The following KCNQ5 variants were observed in gnomAD, a reference collection of about 807,000 sequenced individuals.
The protein encoded by KCNQ5 is potassium voltage-gated channel subfamily Q member 5.
KCNQ5 carries 30 observed loss-of-function variants against 98.2 expected under a neutral mutation model. The ratio of observed to expected loss-of-function variants is 0.31; its 90% CI spans 0.23 to 0.41. The LOEUF is 0.41. Among genes scored for constraint, KCNQ5 ranks in the 10% least tolerant of loss-of-function variants. The pLI, the probability that KCNQ5 is intolerant of heterozygous loss-of-function variation, is 1.00. For synonymous variants in KCNQ5, 458 were observed against 449.4 expected (o/e 1.02, Z -0.24); for missense variants, 835 against 1,182.5 (o/e 0.71, Z 4.31).
At chr6:72,707,544 G>A (rs1215709031) in intron 1 of KCNQ5, among the ~76,000 whole-genome samples, 1 of 152,112 alleles carries the variant, frequency 6.6e-6, no homozygotes, top group Non-Finnish European at 1.5e-5. Flanking sequence ...AAATTGCCTT[G>A]AGAAAAATTA....
intron 10 of KCNQ5, 152 bp downstream of exon 10, chr6:73,133,793 T>C: frequency 1.3e-6 from 1 of 798,478 alleles, no homozygotes; most frequent in South Asian, 1.6e-5. Context: ...AGTTTATTCA[T>C]TGCCTTGGGC....
chr6:73,155,845 C>T (rs1035556040), intron 10 of KCNQ5, among the ~76,000 whole-genome samples: 4 of 152,046 alleles, frequency 2.6e-5, no homozygotes. Context: ...AAAATAAAAA[C>T]TATTTGAAAG....
intron 1 of KCNQ5, among the ~76,000 whole-genome samples, chr6:72,912,966 T>A (rs1779998826): frequency 1.3e-5 from 2 of 152,242 alleles, no homozygotes; most frequent in Middle Eastern, 6.8e-3. Flanking sequence ...CTAGTCTTAA[T>A]ACTTGGGTTA....
At chr6:72,723,066 G>T (rs1447797369) in intron 1 of KCNQ5, among the ~76,000 whole-genome samples, 3 of 151,856 alleles carry the variant, frequency 2.0e-5, no homozygotes, top group African/African-American at 7.3e-5. Flanking sequence ...CCCAGGCTGA[G>T]CTCAAGCAAT....
At chr6:73,108,458 G>A (rs1775091944) in intron 6 of KCNQ5, among the ~76,000 whole-genome samples, 1 of 152,102 alleles carries the variant, frequency 6.6e-6, no homozygotes. Flanking sequence ...TAAAAATATT[G>A]GCCACTGTAA....
At chr6:73,156,941 G>A (rs1777383396) in intron 10 of KCNQ5, among the ~76,000 whole-genome samples, 2 of 152,140 alleles carry the variant, frequency 1.3e-5, no homozygotes, top group Non-Finnish European at 2.9e-5. Flanking sequence ...CTGTTGGGTG[G>A]AGGCAGGCGC....
At chr6:72,934,756 G>A (rs956797009) in intron 1 of KCNQ5, among the ~76,000 whole-genome samples, 3 of 152,128 alleles carry the variant, frequency 2.0e-5, no homozygotes, top group African/African-American at 7.2e-5. Context: ...GGCTCTCATA[G>A]CTCAGCTATG....
chr6:72,769,041 G>A (rs1772724788), intron 1 of KCNQ5, among the ~76,000 whole-genome samples: 1 of 152,008 alleles, frequency 6.6e-6, no homozygotes, highest in Admixed American at 6.6e-5. Flanking sequence ...CCCTAGCCCG[G>A]AAGTCCTCAA....
intron 1 of KCNQ5, among the ~76,000 whole-genome samples, chr6:72,928,130 C>G (rs554699497): frequency 1.3e-5 from 2 of 151,984 alleles, no homozygotes; most frequent in African/African-American, 2.4e-5. Flanking sequence ...AGAAGAAACC[C>G]GTGTTTTCAT....
chr6:72,671,882 T>A (rs1013389543), intron 1 of KCNQ5, among the ~76,000 whole-genome samples: 4 of 152,216 alleles, frequency 2.6e-5, no homozygotes, highest in Non-Finnish European at 5.9e-5. Flanking sequence ...AGTGGCACGA[T>A]CTCGGCTCAC....
intron 3 of KCNQ5, among the ~76,000 whole-genome samples, chr6:73,044,657 C>T (rs1771880461): frequency 6.6e-6 from 1 of 152,146 alleles, no homozygotes; most frequent in South Asian, 2.1e-4. Context: ...TATTTCTAGG[C>T]CCGTTCAACA....
At position 72,938,359 on chromosome 6, in the gene KCNQ5, A is replaced by T. The variant is rs997673656; in HGVS notation, c.399-65549A>T. Among the ~76,000 whole-genome samples the T allele has an allele frequency of 2.2e-4, 34 of 152,080 alleles. 1 individual carries two copies. The highest frequency in any genetic ancestry group is 4.0e-4 in the Non-Finnish European group (27 of 68,024). ...AGTTGCACAATTCTGTAAATGTACT[A>T]ATATCATAAAATTGTACGTTTATTT... On this transcript the variant is annotated intron_variant, in intron 1 of 13. Transcript: ENST00000370398.
chr6:73,129,508 T>C (rs1776131722), intron 9 of KCNQ5, among the ~76,000 whole-genome samples: 2 of 152,222 alleles, frequency 1.3e-5, no homozygotes, highest in South Asian at 4.1e-4. Context: ...ATTACAGGGG[T>C]AGCTATATTC....
intron 1 of KCNQ5, among the ~76,000 whole-genome samples, chr6:72,971,776 G>A (rs1767912785): frequency 1.3e-5 from 2 of 152,126 alleles, no homozygotes; most frequent in Admixed American, 1.3e-4. Flanking sequence ...CTCATAGGTG[G>A]GAATTGAACA....
chr6:73,194,028 C>T (rs1005287630), intron 13 of KCNQ5, among the ~76,000 whole-genome samples: 5 of 151,758 alleles, frequency 3.3e-5, no homozygotes, highest in Admixed American at 6.6e-5. Context: ...TTGGTAGAGA[C>T]GAGGTCTCAC....
At chr6:73,193,421 T>C (rs918488726) in intron 13 of KCNQ5, among the ~76,000 whole-genome samples, 1 of 142,854 alleles carries the variant, frequency 7.0e-6, no homozygotes, top group African/African-American at 2.6e-5. Context: ...AGGTCAGGAG[T>C]TCAAGACCAA....
At chr6:73,171,059 G>A (rs1402757253) in intron 11 of KCNQ5, among the ~76,000 whole-genome samples, 1 of 152,208 alleles carries the variant, frequency 6.6e-6, no homozygotes, top group Admixed American at 6.5e-5. Flanking sequence ...TTGGCATCAT[G>A]TTAGACATTG....
intron 1 of KCNQ5, among the ~76,000 whole-genome samples, chr6:72,833,150 A>T (rs1480102372): frequency 6.6e-6 from 1 of 152,206 alleles, no homozygotes; most frequent in African/African-American, 2.4e-5. Flanking sequence ...AATATTCATG[A>T]ACTGTTCGAC....
chr6:73,080,216 C>T (rs1361562175), intron 5 of KCNQ5, among the ~76,000 whole-genome samples: 2 of 152,130 alleles, frequency 1.3e-5, no homozygotes, highest in African/African-American at 4.8e-5. Context: ...GGGGAAGAAA[C>T]ATTTTCATTG....
Sources: gnomAD v4.1 joint callset for allele counts (sites outside exome capture counted in the v4.1 genomes callset) on GRCh38, gnomAD v4.1.1 for gene constraint, MANE v1.5 for transcripts, NCBI Gene and HGNC (gene_info 2026-07-23, HGNC 2026-07-21) for gene names.